Variants in ARL3 observed in about 807,000 individuals in gnomAD.
ARL3 encodes the protein ADP-ribosylation factor-like protein 3.
Under a neutral mutation model 26.0 loss-of-function variants are expected in ARL3, and 9 were observed. That is an observed-to-expected ratio of 0.35 (90% CI 0.21 to 0.60). ARL3 has a LOEUF of 0.60. Ranked by LOEUF, ARL3 falls within the 20% of genes least tolerant of loss-of-function variation. The probability of loss-of-function intolerance (pLI) is 0.78; values close to 1 mark genes in which losing one functional copy is unlikely to be tolerated. For synonymous variants in ARL3, 71 were observed against 78.4 expected (o/e 0.91, Z 0.50); for missense variants, 158 against 215.7 (o/e 0.73, Z 1.67).
intron 4 of ARL3, among the ~76,000 whole-genome samples, chr10:102,688,095 T>A (rs965775633): frequency 6.6e-6 from 1 of 152,226 alleles, no homozygotes; most frequent in Non-Finnish European, 1.5e-5. Flanking sequence ...TCTGGCAAGG[T>A]CCCTGATATT....
At chr10:102,680,597 T>C (rs751000378) in intron 5 of ARL3, among the ~76,000 whole-genome samples, 4 of 152,198 alleles carry the variant, frequency 2.6e-5, no homozygotes, top group Non-Finnish European at 5.9e-5. Context: ...GAAGTTAAGG[T>C]GCACTGCTTC....
At chr10:102,691,440 T>C (rs1379286521) in intron 3 of ARL3, among the ~76,000 whole-genome samples, 2 of 152,148 alleles carry the variant, frequency 1.3e-5, no homozygotes, top group South Asian at 4.1e-4. Context: ...TTCACAACTC[T>C]TGAACGCTCC....
chr10:102,686,892 T>C (rs1255120576), intron 4 of ARL3, among the ~76,000 whole-genome samples: 3 of 34,516 alleles, frequency 8.7e-5, no homozygotes, highest in Non-Finnish European at 1.7e-4. Flanking sequence ...TTTTTTTTTT[T>C]TTGAGACGAG....
chr10:102,694,165 A>G (rs948957871), intron 3 of ARL3, among the ~76,000 whole-genome samples: 8 of 146,556 alleles, frequency 5.5e-5, no homozygotes, highest in African/African-American at 2.0e-4. Flanking sequence ...TTTTTTTTGT[A>G]TTTTTTGTAG....
rs1382428113 is a variant in ARL3, at chr10:102,674,732, C to T, written c.*2162G>A. 2 of 152,156 alleles carry T rather than the reference C, an allele frequency of 1.3e-5. No homozygotes were observed. The highest frequency in any genetic ancestry group is 2.9e-5 in the Non-Finnish European group (2 of 68,028). 9.4% of individuals were successfully genotyped at this position (152,156 alleles called of 1,614,324 possible). On this transcript the variant is annotated 3_prime_UTR_variant, in exon 6 of 6. Transcript: ENST00000260746. ...AGGCTTCTCTCATCTACCCCAGAGC[C>T]CCAGGAGGGTTCAAAAGGGCTCAAA...
intron 3 of ARL3, among the ~76,000 whole-genome samples, chr10:102,690,590 T>C (rs2064211937): frequency 6.6e-6 from 1 of 152,150 alleles, no homozygotes; most frequent in Non-Finnish European, 1.5e-5. Context: ...CTGGCCTACT[T>C]TGTTTAAATT....
At chr10:102,698,210 TTCTTG>T (rs2064259496) in intron 3 of ARL3, among the ~76,000 whole-genome samples, 1 of 152,020 alleles carries the variant, frequency 6.6e-6, no homozygotes, top group African/African-American at 2.4e-5. Flanking sequence ...CTTTTTTTTT[TTCTTG>T]TCTTGAGACA....
At chr10:102,701,547 GA>G (rs1296946999) in intron 2 of ARL3, among the ~76,000 whole-genome samples, 2 of 152,128 alleles carry the variant, frequency 1.3e-5, no homozygotes, top group Non-Finnish European at 2.9e-5. Flanking sequence ...TAAGCTTATT[GA>G]AAAAAGTTTC....
chr10:102,703,368 C>T (rs2064290427), intron 2 of ARL3, among the ~76,000 whole-genome samples: 1 of 150,292 alleles, frequency 6.7e-6, no homozygotes, highest in Non-Finnish European at 1.5e-5. Context: ...GATCCACCCA[C>T]CTCGGCCTCC....
chr10:102,712,106 G>A (rs549216294), intron 1 of ARL3, among the ~76,000 whole-genome samples: 2 of 152,246 alleles, frequency 1.3e-5, no homozygotes, highest in South Asian at 4.1e-4. Flanking sequence ...TAGTATTTTA[G>A]TAATTCATCA....
intron 5 of ARL3, among the ~76,000 whole-genome samples, chr10:102,677,712 A>G (rs887624947): frequency 2.6e-5 from 4 of 152,270 alleles, no homozygotes; most frequent in Non-Finnish European, 5.9e-5. Context: ...CCCCCTTTGG[A>G]GCCAAACCTG....
At chr10:102,708,908 A>ATATATATATATTTTT in intron 1 of ARL3, among the ~76,000 whole-genome samples, 30 of 95,312 alleles carry the variant, frequency 3.1e-4, no homozygotes, top group African/African-American at 1.0e-3. Flanking sequence ...ATATATATAT[A>ATATATATATATTTTT]TTTTTTTTTT....
rs547405537 is a variant in ARL3 at position 102,712,049 on chromosome 10, T to C, written c.3+2224A>G. The stretch of plus-strand genomic sequence containing the variant: ...AAATAATTACTGAATGAAGGAATCA[T>C]ATGTTAAATATAAGTGGTTAGTTAC... On this transcript the variant is annotated intron_variant, in intron 1 of 5. Coordinates refer to ENST00000260746, the MANE Select transcript of ARL3 (RefSeq NM_004311.4). Among the ~76,000 whole-genome samples, 12 of 152,184 alleles carry C rather than the reference T, an allele frequency of 7.9e-5. 1 individual carries two copies. Among genetic ancestry groups the C allele is most frequent in the Admixed American group, 2.0e-4 (3 of 15,268 alleles).
chr10:102,699,450 G>A lies in ARL3; in HGVS notation c.187C>T (p.Leu63=). The change falls in exon 3 of 6, where the codon CTG becomes TTG. Residue 63 remains leucine, a synonymous_variant. Transcript: ENST00000260746. ...IKSVQSQGFK[L]NVWDIGGQRK... ...TGTCCACCAATGTCCCATACATTCA[G>A]TTTAAAACCTTGTGATTGTACACTT... is the stretch of plus-strand genomic sequence containing the variant. 2 of 1,612,362 alleles carry A rather than the reference G, an allele frequency of 1.2e-6. No individual in the cohort carries two copies. The highest frequency in any genetic ancestry group is 4.5e-5 in the East Asian group (2 of 44,800).
At chr10:102,706,891 T>C (rs7096297) in intron 1 of ARL3, among the ~76,000 whole-genome samples, 151,991 of 152,230 alleles carry the variant, frequency 1, 75,876 homozygotes, top group East Asian at 1. Flanking sequence ...AGGCTGGTCT[T>C]GAACTCCTGG....
chr10:102,711,440 GCA>G (rs2064339943), intron 1 of ARL3, among the ~76,000 whole-genome samples: 2 of 151,626 alleles, frequency 1.3e-5, no homozygotes, highest in African/African-American at 4.8e-5. Context: ...ACATAACACT[GCA>G]CACAGTTTCA....
intron 3 of ARL3, among the ~76,000 whole-genome samples, chr10:102,695,375 G>A (rs552888750): frequency 2.0e-5 from 3 of 152,236 alleles, no homozygotes; most frequent in Non-Finnish European, 4.4e-5. Context: ...CATTTTGGGG[G>A]TGCTAAATGG....
chr10:102,676,754 T>C lies in ARL3; in HGVS notation c.*140A>G. On this transcript the variant is annotated 3_prime_UTR_variant, in exon 6 of 6. Coordinates refer to ENST00000260746, the MANE Select transcript of ARL3 (RefSeq NM_004311.4). ...ATCTACTGCTGGAATGGGGATTCTT[T>C]CTAAACCGTGTTGTTCCCTCTCTTC... 1.2e-6 allele frequency: 1 copy of C among 811,560 alleles called. No individual in the cohort carries two copies. 50.3% of individuals were successfully genotyped at this position (811,560 alleles called of 1,614,324 possible). A position where few individuals can be genotyped will look rare whatever the true frequency, so the allele number is the denominator to read the frequency against.
At chr10:102,688,030 T>C (rs2064196697) in intron 4 of ARL3, among the ~76,000 whole-genome samples, 1 of 152,206 alleles carries the variant, frequency 6.6e-6, no homozygotes, top group African/African-American at 2.4e-5. Flanking sequence ...AAAACATGCA[T>C]GCACATGCTT....
Sources: gnomAD v4.1 joint callset for allele counts (sites outside exome capture counted in the v4.1 genomes callset) on GRCh38, gnomAD v4.1.1 for gene constraint, MANE v1.5 for transcripts, NCBI Gene and HGNC (gene_info 2026-07-23, HGNC 2026-07-21) for gene names.